Variants in SESTD1 observed in about 807,000 individuals in gnomAD.
SESTD1 encodes the protein SEC14 and spectrin domain containing 1.
Under a neutral mutation model 101.7 loss-of-function variants are expected in SESTD1, and 43 were observed. That is an observed-to-expected ratio of 0.42 (90% CI 0.33 to 0.55). The LOEUF (loss-of-function observed/expected upper bound fraction) is 0.55. Ranked by LOEUF, SESTD1 falls within the 20% of genes least tolerant of loss-of-function variation. The pLI is 0.07. For synonymous variants in SESTD1, 283 were observed against 286.8 expected, an observed-to-expected ratio of 0.99 and a Z score of 0.13; for missense variants, 647 against 815.1, an observed-to-expected ratio of 0.79 and a Z score of 2.51.
intron 2 of SESTD1, among the ~76,000 whole-genome samples, chr2:179,189,478 A>G (rs1462228476): frequency 6.6e-6 from 1 of 152,228 alleles, no homozygotes; most frequent in Non-Finnish European, 1.5e-5. Context: ...TGAACAGGCA[A>G]ATGCTAAAAG....
In SESTD1 at chr2:179,209,175, C is replaced by G. The variant is rs1239650778; in HGVS notation, c.-25-17309G>C. Among the ~76,000 whole-genome samples, 2 of 133,800 alleles carry G rather than the reference C, an allele frequency of 1.5e-5. 1 individual carries two copies. The highest frequency in any genetic ancestry group is 6.0e-5 in the African/African-American group (2 of 33,412). 87.8% of individuals were successfully genotyped at this position (133,800 alleles called of 152,430 possible). On this transcript the variant is annotated intron_variant, in intron 1 of 17. Transcript: ENST00000428443. ...GACTAGTTCAACAGGAAAATATCACCATCCTAAATATATATGCACCTAACA... is the reference window on the plus strand; with the variant it reads ...GACTAGTTCAACAGGAAAATATCACGATCCTAAATATATATGCACCTAACA...
chr2:179,229,039 G>A (rs990947369), intron 1 of SESTD1, among the ~76,000 whole-genome samples: 1 of 152,098 alleles, frequency 6.6e-6, no homozygotes, highest in African/African-American at 2.4e-5. Context: ...GAAAATTATA[G>A]GGAAGGGATT....
chr2:179,242,749 G>A (rs894926873), intron 1 of SESTD1, among the ~76,000 whole-genome samples: 28 of 152,240 alleles, frequency 1.8e-4, no homozygotes, highest in African/African-American at 6.0e-4. Context: ...GGCTAGCCAC[G>A]TGCAGAAGAA....
chr2:179,222,870 A>G (rs967191963), intron 1 of SESTD1, among the ~76,000 whole-genome samples: 1 of 152,192 alleles, frequency 6.6e-6, no homozygotes, highest in Non-Finnish European at 1.5e-5. Flanking sequence ...TCTCTCCACT[A>G]TATTACATTG....
chr2:179,171,436 T>A (rs1364317720), intron 5 of SESTD1, among the ~76,000 whole-genome samples: 1 of 152,202 alleles, frequency 6.6e-6, no homozygotes, highest in Non-Finnish European at 1.5e-5. Context: ...ATTATCTGAC[T>A]GTAAGCATTC....
chr2:179,153,129 T>A (rs1434875619), intron 5 of SESTD1, among the ~76,000 whole-genome samples: 1 of 152,200 alleles, frequency 6.6e-6, no homozygotes, highest in Non-Finnish European at 1.5e-5. Context: ...TTTGTGCCAA[T>A]ACCTATAAAC....
intron 9 of SESTD1, among the ~76,000 whole-genome samples, chr2:179,140,565 T>G (rs890968920): frequency 1.3e-5 from 2 of 152,206 alleles, no homozygotes; most frequent in African/African-American, 4.8e-5. Context: ...AATCACTTAG[T>G]CTGTTTGCTA....
At position 179,195,513 on chromosome 2, in the gene SESTD1, A is replaced by T. The variant is rs147274938; in HGVS notation, c.-25-3647T>A. Reference sequence around the variant, plus strand: ...TTATAGCAGTGTGAAAACAGACTAAATAGAAACTTCAACTTAGATAGTCAT... The same window carrying T: ...TTATAGCAGTGTGAAAACAGACTAATTAGAAACTTCAACTTAGATAGTCAT... On this transcript the variant is annotated intron_variant, in intron 1 of 17. Coordinates refer to ENST00000428443, the MANE Select transcript of SESTD1 (RefSeq NM_178123.5). 1.1e-3 allele frequency among the ~76,000 whole-genome samples: 165 copies of T among 152,342 alleles called. 1 individual carries two copies. The highest frequency in any genetic ancestry group is 3.9e-3 in the African/African-American group (162 of 41,584).
chr2:179,152,319 C>A (rs1315622839), intron 5 of SESTD1, among the ~76,000 whole-genome samples: 1 of 152,058 alleles, frequency 6.6e-6, no homozygotes, highest in Non-Finnish European at 1.5e-5. Flanking sequence ...AGGCAAGCAC[C>A]ACAGAGAGAA....
chr2:179,176,575 C>G, intron 3 of SESTD1, 37 bp from the exon 4 acceptor site: 1 of 1,547,596 alleles, frequency 6.5e-7, no homozygotes, highest in Non-Finnish European at 8.9e-7. Context: ...TTAAAACAAG[C>G]TCCAGATTTC....
chr2:179,241,794 T>C (rs1574061492), intron 1 of SESTD1, among the ~76,000 whole-genome samples: 1 of 151,768 alleles, frequency 6.6e-6, no homozygotes, highest in African/African-American at 2.4e-5. Context: ...TGGTGGCGGG[T>C]ACCTGTAGTC....
intron 2 of SESTD1, among the ~76,000 whole-genome samples, chr2:179,187,416 G>A (rs1030149278): frequency 6.6e-6 from 1 of 152,156 alleles, no homozygotes; most frequent in African/African-American, 2.4e-5. Context: ...CTTGAGCCCA[G>A]GAGTTTGAAA....
At chr2:179,248,293 A>T (rs895018088) in intron 1 of SESTD1, among the ~76,000 whole-genome samples, 14 of 152,182 alleles carry the variant, frequency 9.2e-5, no homozygotes, top group African/African-American at 3.1e-4. Flanking sequence ...AAACTCAAAA[A>T]GAAAAAAGAA....
At chr2:179,200,930 A>C (rs1232143334) in intron 1 of SESTD1, among the ~76,000 whole-genome samples, 1 of 134,524 alleles carries the variant, frequency 7.4e-6, no homozygotes, top group East Asian at 2.0e-4. Context: ...ATGGGATCTA[A>C]TTAAACTCAA....
chr2:179,185,682 T>TATATATAATATAGTATACTATATACA (rs2046209985), intron 2 of SESTD1, among the ~76,000 whole-genome samples: 4 of 107,842 alleles, frequency 3.7e-5, no homozygotes, highest in African/African-American at 7.0e-5. Context: ...TATAGCATAT[T>TATATATAATATAGTATACTATATACA]ATATATAATA....
chr2:179,115,293 G>A, intron 15 of SESTD1, 37 bp from the exon 16 acceptor site: 1 of 1,472,712 alleles, frequency 6.8e-7, no homozygotes, highest in Non-Finnish European at 9.1e-7. Context: ...TGTAATAAAA[G>A]AATTCTTAAG....
intron 5 of SESTD1, among the ~76,000 whole-genome samples, chr2:179,152,150 T>C (rs531689846): frequency 6.6e-6 from 1 of 152,292 alleles, no homozygotes; most frequent in South Asian, 2.1e-4. Context: ...TTATTAAAAA[T>C]GACTTGATAA....
intron 5 of SESTD1, among the ~76,000 whole-genome samples, chr2:179,155,106 A>T (rs1221822924): frequency 6.6e-6 from 1 of 151,784 alleles, no homozygotes; most frequent in Admixed American, 6.6e-5. Flanking sequence ...AGTAGAGACG[A>T]GGTTTTACCA....
intron 2 of SESTD1, among the ~76,000 whole-genome samples, chr2:179,190,222 A>G (rs1305142467): frequency 6.6e-6 from 1 of 152,200 alleles, no homozygotes; most frequent in East Asian, 1.9e-4. Flanking sequence ...AATGGAACAG[A>G]ATAGAGATTC....
Sources: gnomAD v4.1 joint callset for allele counts (sites outside exome capture counted in the v4.1 genomes callset) on GRCh38, gnomAD v4.1.1 for gene constraint, MANE v1.5 for transcripts, NCBI Gene and HGNC (gene_info 2026-07-23, HGNC 2026-07-21) for gene names.